The following SLC44A1 variants were observed in gnomAD, a reference collection of about 807,000 sequenced individuals.
The protein encoded by SLC44A1 is solute carrier family 44 member 1.
A neutral mutation model predicts 79.3 loss-of-function variants in SLC44A1; 26 were observed. That is an observed-to-expected ratio of 0.33 (90% confidence interval 0.24 to 0.46). The LOEUF is 0.46. Among genes scored for constraint, SLC44A1 ranks in the 20% least tolerant of loss-of-function variants. SLC44A1 has a pLI of 1.00. For synonymous variants in SLC44A1, 263 were observed against 286.2 expected (o/e 0.92, Z 0.82); for missense variants, 688 against 798.1 (o/e 0.86, Z 1.66).
At chr9:105,261,775 CTTTTTTTT>C (rs35530318) in intron 1 of SLC44A1, among the ~76,000 whole-genome samples, 692 of 111,690 alleles carry the variant, frequency 6.2e-3, no homozygotes, top group South Asian at 0.017. Flanking sequence ...CTCTCTCTCT[CTTTTTTTT>C]TTTTTTTTTT....
intron 15 of SLC44A1, among the ~76,000 whole-genome samples, chr9:105,408,609 C>T (rs1256962163): frequency 2.0e-5 from 3 of 152,138 alleles, no homozygotes; most frequent in Admixed American, 2.0e-4. Flanking sequence ...CAGAGTTTTA[C>T]CATGTTGCCC....
chr9:105,275,768 G>A lies in SLC44A1; in HGVS notation c.37-23452G>A, dbSNP rs192363194. Among the ~76,000 whole-genome samples, 162 of 151,684 alleles carry A rather than the reference G, an allele frequency of 1.1e-3. 1 individual carries two copies. Among genetic ancestry groups the A allele is most frequent in the African/African-American group, 3.8e-3 (158 of 41,376 alleles). ...TTTGCCCCCTGTAGTTTCAGTTTTG[G>A]TGTGTTCAGATGTCTTGTCACATCA... On this transcript the variant is annotated intron_variant, in intron 1 of 15. Coordinates refer to ENST00000374720, the MANE Select transcript of SLC44A1 (RefSeq NM_080546.5).
intron 1 of SLC44A1, among the ~76,000 whole-genome samples, chr9:105,274,344 C>G (rs1055151119): frequency 2.0e-5 from 3 of 152,212 alleles, no homozygotes; most frequent in African/African-American, 7.2e-5. Flanking sequence ...GAATTGTACT[C>G]GTGGAGGTGT....
chr9:105,263,576 GCCC>G (rs1003088571), intron 1 of SLC44A1, among the ~76,000 whole-genome samples: 4 of 129,076 alleles, frequency 3.1e-5, no homozygotes, highest in African/African-American at 9.1e-5. Flanking sequence ...CACTCTTGTT[GCCC>G]AGACTGGAGT....
intron 1 of SLC44A1, among the ~76,000 whole-genome samples, chr9:105,267,644 ATC>A (rs1829991506): frequency 6.6e-6 from 1 of 151,702 alleles, no homozygotes; most frequent in Non-Finnish European, 1.5e-5. Context: ...ATCATCTGTT[ATC>A]TCTCTGTGTG....
rs1829583360 is a variant in SLC44A1 at position 105,251,339 on chromosome 9, T to C, written c.36+6435T>C. 3.3e-5 allele frequency among the ~76,000 whole-genome samples: 5 copies of C among 152,172 alleles called. No homozygotes were observed. In the South Asian group the frequency reaches 8.3e-4, roughly 25 times the overall value. ...TATCTAGTCACCACATCTTGCCTCTTTGACCTTCTCAACGTCACTGCCAGC... is the reference window on the plus strand; with the variant it reads ...TATCTAGTCACCACATCTTGCCTCTCTGACCTTCTCAACGTCACTGCCAGC... On this transcript the variant is annotated intron_variant, in intron 1 of 15. Transcript: ENST00000374720.
chr9:105,248,212 T>C (rs1260081119), intron 1 of SLC44A1, among the ~76,000 whole-genome samples: 3 of 152,260 alleles, frequency 2.0e-5, no homozygotes, highest in African/African-American at 7.2e-5. Flanking sequence ...AAGTGCATTT[T>C]CTTTTTGTAG....
intron 4 of SLC44A1, among the ~76,000 whole-genome samples, chr9:105,336,188 T>C (rs759995037): frequency 6.6e-6 from 1 of 151,608 alleles, no homozygotes; most frequent in Non-Finnish European, 1.5e-5. Context: ...CAATGTAACA[T>C]ATGCATATTA....
intron 3 of SLC44A1, among the ~76,000 whole-genome samples, chr9:105,326,532 T>A (rs1826582615): frequency 6.6e-6 from 1 of 152,232 alleles, no homozygotes; most frequent in Admixed American, 6.5e-5. Flanking sequence ...TCCCCCGTGC[T>A]TTTCCAGTTC....
intron 1 of SLC44A1, among the ~76,000 whole-genome samples, chr9:105,275,927 C>A (rs897123052): frequency 9.9e-5 from 15 of 152,010 alleles, no homozygotes; most frequent in African/African-American, 3.4e-4. Context: ...GCCTCAGCCT[C>A]CCTAGTAGCG....
intron 12 of SLC44A1, among the ~76,000 whole-genome samples, chr9:105,368,110 G>A (rs555761820): frequency 1.5e-3 from 229 of 151,806 alleles, no homozygotes; most frequent in African/African-American, 4.8e-3. Context: ...CAAGATAGTC[G>A]ATAAAAGGTT....
intron 1 of SLC44A1, among the ~76,000 whole-genome samples, chr9:105,254,576 C>T (rs1829660982): frequency 1.3e-5 from 2 of 152,212 alleles, no homozygotes; most frequent in African/African-American, 4.8e-5. Flanking sequence ...AATCAGACTT[C>T]TATAGTGTTT....
chr9:105,313,635 CTGAT>C (rs1312993118), intron 3 of SLC44A1, among the ~76,000 whole-genome samples: 5 of 152,082 alleles, frequency 3.3e-5, no homozygotes, highest in African/African-American at 4.8e-5. Context: ...ATTTTGAACT[CTGAT>C]TGGGAATTCC....
Position 105,395,803 on chromosome 9 carries a change from A to G in SLC44A1, c.*6747A>G, listed in dbSNP as rs906895503. ...ACATTGAAAAGAAGACTTGGGAATA[A>G]TTGGGCAGATAGAATGGGTTCCATG... On this transcript the variant is annotated 3_prime_UTR_variant, in exon 16 of 16. Transcript: ENST00000374720. 6 of 985,152 alleles carry G rather than the reference A, an allele frequency of 6.1e-6. No homozygotes were observed. The highest frequency in any genetic ancestry group is 6.1e-5 in the Admixed American group (1 of 16,266). The allele number at this position is 985,152 out of a possible 1,614,324, so 61.0% of individuals were successfully genotyped here.
chr9:105,428,819 C>T (rs1361583861), intron 15 of SLC44A1, among the ~76,000 whole-genome samples: 1 of 152,198 alleles, frequency 6.6e-6, no homozygotes, highest in Non-Finnish European at 1.5e-5. Context: ...CCTGCCTCAC[C>T]CTCTGGAGTT....
intron 15 of SLC44A1, chr9:105,385,948 G>C: frequency 1.0e-6 from 1 of 985,322 alleles, no homozygotes; most frequent in Non-Finnish European, 1.2e-6. Context: ...TTAAAAGTAT[G>C]GTTCTGCTTA....
intron 1 of SLC44A1, among the ~76,000 whole-genome samples, chr9:105,298,977 G>A (rs113611101): frequency 6.6e-6 from 1 of 152,042 alleles, no homozygotes; most frequent in Non-Finnish European, 1.5e-5. Context: ...TACCAAAAAA[G>A]CGATGAACTC....
Position 105,394,238 on chromosome 9 carries a change from A to C in SLC44A1, c.*5182A>C, listed in dbSNP as rs1828826538. 2 of 985,410 alleles carry C rather than the reference A, an allele frequency of 2.0e-6. No homozygotes were observed. Among genetic ancestry groups the C allele is most frequent in the Non-Finnish European group, 2.4e-6 (2 of 829,914 alleles). The allele number at this position is 985,410 out of a possible 1,614,324, so 61.0% of individuals were successfully genotyped here. ...AAGTGATTAGGCCTCCACTAGAGAT[A>C]CTTTTGAGATGATGCTTACCACCTT... On this transcript the variant is annotated 3_prime_UTR_variant, in exon 16 of 16. Transcript: ENST00000374720.
Position 105,393,882 on chromosome 9 carries a change from A to G in SLC44A1, c.*4826A>G, listed in dbSNP as rs1275554741. 3 of 984,412 alleles carry G rather than the reference A, an allele frequency of 3.0e-6. No homozygotes were observed. The highest frequency in any genetic ancestry group is 5.2e-4 in the Middle Eastern group (1 of 1,936). The allele number at this position is 984,412 out of a possible 1,614,324, so 61.0% of individuals were successfully genotyped here. On this transcript the variant is annotated 3_prime_UTR_variant, in exon 16 of 16. Transcript: ENST00000374720. ...GCTCAGAATAATAAAGCTTTTATTA[A>G]TGGTCTAGTGAAGATCTAGTTGAAC... is the stretch of plus-strand genomic sequence containing the variant.
Sources: allele counts gnomAD v4.1 joint callset (sites outside exome capture counted in the v4.1 genomes callset), GRCh38; gene constraint gnomAD v4.1.1; transcripts MANE v1.5; gene names NCBI Gene and HGNC (gene_info 2026-07-23, HGNC 2026-07-21).